DMD: variants seen among roughly 807,000 people sequenced by gnomAD.
DMD encodes mutant dystrophin.
DMD carries 63 observed loss-of-function variants against 330.1 expected under a neutral mutation model. The observed-to-expected ratio is 0.19, with a 90% CI of 0.16 to 0.24. The LOEUF is 0.24. DMD is among the 10% of genes least tolerant of loss of function. DMD has a pLI of 1.00. For synonymous variants in DMD, 1,223 were observed against 959.8 expected (o/e 1.27, Z -5.07); for missense variants, 3,344 against 2,684.1 (o/e 1.25, Z -5.43).
intron 44 of DMD, among the ~76,000 whole-genome samples, chrX:32,018,789 C>T (rs894012991): frequency 1.8e-5 from 2 of 111,503 alleles, no homozygotes; most frequent in South Asian, 3.8e-4. Flanking sequence ...ACTTCTCAAC[C>T]GCACCTAGCA....
chrX:32,205,770 G>A, intron 44 of DMD: 1 of 169,740 alleles, frequency 5.9e-6, no homozygotes, highest in Admixed American at 7.2e-5. Context: ...TACACAAGAT[G>A]TTCAGGTTTT....
chrX:32,194,084 C>G (rs767911737), intron 44 of DMD, among the ~76,000 whole-genome samples: 2 of 112,256 alleles, frequency 1.8e-5, no homozygotes, highest in African/African-American at 3.2e-5. Flanking sequence ...TCTCCAATAA[C>G]CTTAACTACA....
chrX:31,152,076 T>C (rs1482679459), intron 74 of DMD, among the ~76,000 whole-genome samples: 1 of 112,542 alleles, frequency 8.9e-6, no homozygotes, highest in Non-Finnish European at 1.9e-5. Context: ...ACTAGTTTTT[T>C]TGGCAAAGAT....
At chrX:32,749,490 C>T (rs1401076740) in intron 7 of DMD, among the ~76,000 whole-genome samples, 1 of 112,331 alleles carries the variant, frequency 8.9e-6, no homozygotes, top group Non-Finnish European at 1.9e-5. Context: ...CATTCAATTG[C>T]TCACAAGGTT....
At chrX:33,162,961 T>C in intron 1 of DMD, among the ~76,000 whole-genome samples, 1 of 111,448 alleles carries the variant, frequency 9.0e-6, no homozygotes, top group East Asian at 2.8e-4. Context: ...GCATAAACTA[T>C]TGACTGAAGT....
intron 52 of DMD, among the ~76,000 whole-genome samples, chrX:31,705,907 A>G (rs1376552011): frequency 8.9e-6 from 1 of 111,868 alleles, no homozygotes; most frequent in Non-Finnish European, 1.9e-5. Flanking sequence ...AGCCTTGGGA[A>G]TGGTCTGAAG....
chrX:32,930,787 C>G (rs1400838553), intron 2 of DMD, among the ~76,000 whole-genome samples: 3 of 109,888 alleles, frequency 2.7e-5, no homozygotes, highest in Non-Finnish European at 5.7e-5. Context: ...TTCCTCCTAC[C>G]CTAAGCAAAA....
chrX:31,285,013 T>A lies in DMD; in HGVS notation c.9225-23997A>T, dbSNP rs2053089815. On this transcript the variant is annotated intron_variant, in intron 62 of 78. Transcript: ENST00000357033. ...AGATTTTCGATATTAAAACATTCAGTCTGCCAATGTACGTAGGAAGCACCC... is the reference window on the plus strand; with the variant it reads ...AGATTTTCGATATTAAAACATTCAGACTGCCAATGTACGTAGGAAGCACCC... Among the ~76,000 whole-genome samples the A allele has an allele frequency of 3.6e-5, 4 of 111,116 alleles. 1 individual carries two copies. The South Asian group carries it at 1.5e-3, about 43-fold the overall frequency.
chrX:33,130,718 A>G (rs2095494273), intron 1 of DMD, among the ~76,000 whole-genome samples: 1 of 109,632 alleles, frequency 9.1e-6, no homozygotes, highest in African/African-American at 3.3e-5. Context: ...CGCCCAGCTA[A>G]TTTTGTATTT....
rs779848269 is a variant in DMD, at chrX:32,637,171, C to G, written c.1331+6961G>C. 5.4e-5 allele frequency among the ~76,000 whole-genome samples: 6 copies of G among 111,310 alleles called. No individual in the cohort carries two copies. The South Asian group carries it at 1.5e-3, about 28-fold the overall frequency. ...GTTTGGAAGACTGTTTAAATTATCT[C>G]TAGTAAGAATAGGTAATGTTGACAC... On this transcript the variant is annotated intron_variant, in intron 11 of 78. Transcript: ENST00000357033.
intron 45 of DMD, among the ~76,000 whole-genome samples, chrX:31,939,062 TA>T (rs2094959178): frequency 8.9e-6 from 1 of 111,800 alleles, no homozygotes; most frequent in South Asian, 3.7e-4. Flanking sequence ...TTGATTGAAG[TA>T]AAATAAATGA....
At chrX:32,603,863 A>G (rs2056439271) in intron 12 of DMD, among the ~76,000 whole-genome samples, 1 of 111,348 alleles carries the variant, frequency 9.0e-6, no homozygotes, top group Non-Finnish European at 1.9e-5. Flanking sequence ...AGTAATAAAT[A>G]TCTCCCAATA....
intron 59 of DMD, among the ~76,000 whole-genome samples, chrX:31,453,075 T>C (rs1436488232): frequency 8.9e-6 from 1 of 111,941 alleles, no homozygotes; most frequent in Admixed American, 9.4e-5. Context: ...TAGAAATGAG[T>C]ATTCAGATTT....
At chrX:31,916,359 GAT>G (rs2094608762) in intron 47 of DMD, among the ~76,000 whole-genome samples, 1 of 112,157 alleles carries the variant, frequency 8.9e-6, no homozygotes, top group African/African-American at 3.2e-5. Context: ...TTACTTAACT[GAT>G]ATATAGGGGA....
rs11352664 is a variant in DMD at position 31,988,473 on chromosome X, C to CA, written c.6439-19960dup. 9.0e-3 allele frequency among the ~76,000 whole-genome samples: 218 copies of CA among 24,137 alleles called. 19 individuals carry two copies. The highest frequency in any genetic ancestry group is 0.035 in the East Asian group (18 of 512). 21.0% of individuals were successfully genotyped at this position (24,137 alleles called of 115,157 possible). A position where few individuals can be genotyped will look rare whatever the true frequency, so the allele number is the denominator to read the frequency against. ...TGGGCAACAGAGTGAGACTCCATCT[C>CA]AAAAAAAAAAAAAAAAAAAAAAAAA... On this transcript the variant is annotated intron_variant, in intron 44 of 78. Coordinates refer to ENST00000357033, the MANE Select transcript of DMD (RefSeq NM_004006.3).
chrX:31,460,930 A>G (rs896476638), intron 59 of DMD, among the ~76,000 whole-genome samples: 1 of 111,776 alleles, frequency 8.9e-6, no homozygotes, highest in Non-Finnish European at 1.9e-5. Flanking sequence ...AAGGCAAGTT[A>G]TGCTGTTGGT....
At chrX:31,827,370 T>C (rs1156763026) in intron 49 of DMD, among the ~76,000 whole-genome samples, 2 of 112,014 alleles carry the variant, frequency 1.8e-5, no homozygotes, top group Non-Finnish European at 3.8e-5. Context: ...CAAGAAGATA[T>C]TTACTACAGT....
chrX:31,279,563 T>C (rs1482809491), intron 62 of DMD, among the ~76,000 whole-genome samples: 1 of 112,022 alleles, frequency 8.9e-6, no homozygotes, highest in East Asian at 2.8e-4. Context: ...AGTTTCCATG[T>C]GAACTAGCCT....
intron 4 of DMD, among the ~76,000 whole-genome samples, chrX:32,836,038 AT>A (rs201112620): frequency 1.9e-4 from 20 of 103,930 alleles, no homozygotes; most frequent in East Asian, 6.4e-4. Flanking sequence ...TCAAAAAAAA[AT>A]TTTTTTTTTT....
Sources: gnomAD v4.1 joint callset for allele counts (sites outside exome capture counted in the v4.1 genomes callset) on GRCh38, gnomAD v4.1.1 for gene constraint, MANE v1.5 for transcripts, NCBI Gene and HGNC (gene_info 2026-07-23, HGNC 2026-07-21) for gene names.